Variants in PTPRK observed in about 807,000 individuals in gnomAD.
PTPRK encodes receptor-type tyrosine-protein phosphatase kappa.
PTPRK carries 75 observed loss-of-function variants against 178.0 expected under a neutral mutation model. The observed-to-expected ratio is 0.42, with a 90% CI of 0.35 to 0.51. The LOEUF is 0.51. PTPRK is among the 20% of genes least tolerant of loss of function. The pLI is 0.02. For missense variants in PTPRK, 1,441 were observed against 1,797.8 expected (o/e 0.80, Z 3.59); for synonymous variants, 637 against 620.6 (o/e 1.03, Z -0.39).
At chr6:128,336,368 G>A (rs1373237565) in intron 2 of PTPRK, among the ~76,000 whole-genome samples, 2 of 151,998 alleles carry the variant, frequency 1.3e-5, no homozygotes, top group East Asian at 1.9e-4. Context: ...GTGTACTGTA[G>A]AAACTAAAAT....
chr6:128,071,942 A>C (rs999251750), intron 11 of PTPRK, among the ~76,000 whole-genome samples: 4 of 152,194 alleles, frequency 2.6e-5, no homozygotes, highest in African/African-American at 9.6e-5. Flanking sequence ...TGAAATAAGA[A>C]ATAAGAAATC....
chr6:128,432,936 A>G (rs186549972), intron 1 of PTPRK, among the ~76,000 whole-genome samples: 157 of 152,216 alleles, frequency 1.0e-3, no homozygotes, highest in Middle Eastern at 6.8e-3. Flanking sequence ...TTTTAATATT[A>G]GTTTAAATAT....
intron 7 of PTPRK, among the ~76,000 whole-genome samples, chr6:128,152,179 G>C (rs181436655): frequency 6.6e-6 from 1 of 152,030 alleles, no homozygotes; most frequent in African/African-American, 2.4e-5. Flanking sequence ...ATTAAATGCC[G>C]TTGATTTTTC....
chr6:128,210,252 C>T (rs927322370), intron 6 of PTPRK, among the ~76,000 whole-genome samples: 1 of 151,892 alleles, frequency 6.6e-6, no homozygotes, highest in Admixed American at 6.6e-5. Flanking sequence ...TTTCTATTCA[C>T]TGCATTTCCA....
chr6:128,494,305 A>G (rs1361972523), intron 1 of PTPRK, among the ~76,000 whole-genome samples: 1 of 151,956 alleles, frequency 6.6e-6, no homozygotes, highest in African/African-American at 2.4e-5. Context: ...CACCATCACC[A>G]TTTTTTAAAG....
At chr6:128,007,506 A>C (rs1306870338) in intron 14 of PTPRK, among the ~76,000 whole-genome samples, 1 of 150,938 alleles carries the variant, frequency 6.6e-6, no homozygotes, top group Non-Finnish European at 1.5e-5. Flanking sequence ...AAGTTGTCAT[A>C]TTACACAATT....
chr6:128,079,015 A>T, intron 10 of PTPRK, 97 bp from the exon 11 acceptor site: 1 of 672,900 alleles, frequency 1.5e-6, no homozygotes, highest in Non-Finnish European at 2.5e-6. Flanking sequence ...GGAAAAAAAA[A>T]TTCACCTAAT....
chr6:128,387,800 T>C (rs1183741472), intron 2 of PTPRK, among the ~76,000 whole-genome samples: 3 of 152,102 alleles, frequency 2.0e-5, no homozygotes, highest in Non-Finnish European at 4.4e-5. Flanking sequence ...ATACTGCATA[T>C]GTAACATATG....
intron 3 of PTPRK, among the ~76,000 whole-genome samples, chr6:128,255,712 A>G (rs558588198): frequency 6.6e-6 from 1 of 152,362 alleles, no homozygotes; most frequent in African/African-American, 2.4e-5. Flanking sequence ...CCTGGCAACA[A>G]AAGCATCAAC....
intron 7 of PTPRK, among the ~76,000 whole-genome samples, chr6:128,179,935 C>A (rs907324152): frequency 6.6e-6 from 1 of 152,026 alleles, no homozygotes; most frequent in Non-Finnish European, 1.5e-5. Context: ...AGACACTCTC[C>A]TTTTCACTGC....
intron 13 of PTPRK, among the ~76,000 whole-genome samples, chr6:128,014,025 T>C (rs1412674501): frequency 6.6e-6 from 1 of 151,510 alleles, no homozygotes; most frequent in Admixed American, 6.6e-5. Flanking sequence ...GAATTTCTAG[T>C]AGGACCTAAA....
At chr6:128,057,901 C>T (rs897533643) in intron 13 of PTPRK, among the ~76,000 whole-genome samples, 1 of 152,018 alleles carries the variant, frequency 6.6e-6, no homozygotes, top group African/African-American at 2.4e-5. Flanking sequence ...GTTATTTTAC[C>T]TCTTTTTTAC....
intron 1 of PTPRK, among the ~76,000 whole-genome samples, chr6:128,482,760 A>T (rs1366997971): frequency 1.3e-5 from 2 of 152,190 alleles, no homozygotes; most frequent in Admixed American, 6.5e-5. Context: ...TACTGTTTGC[A>T]ATCAACAAGA....
At chr6:128,461,756 C>G (rs1165556317) in intron 1 of PTPRK, among the ~76,000 whole-genome samples, 1 of 152,168 alleles carries the variant, frequency 6.6e-6, no homozygotes, top group Non-Finnish European at 1.5e-5. Context: ...AGTCATTCCT[C>G]ACTTCCTCCT....
At chr6:128,053,408 G>A (rs770873764) in intron 13 of PTPRK, among the ~76,000 whole-genome samples, 2 of 151,882 alleles carry the variant, frequency 1.3e-5, no homozygotes, top group East Asian at 1.9e-4. Context: ...ACCCTCTTGC[G>A]TGGACACCCT....
intron 13 of PTPRK, among the ~76,000 whole-genome samples, chr6:128,061,108 A>AT (rs552314440): frequency 1.1e-4 from 16 of 151,580 alleles, no homozygotes; most frequent in Admixed American, 1.3e-4. Flanking sequence ...TGGCTAAATA[A>AT]TTTTTTTTTG....
intron 3 of PTPRK, among the ~76,000 whole-genome samples, chr6:128,254,235 T>G (rs191489727): frequency 7.4e-4 from 113 of 152,282 alleles, no homozygotes; most frequent in African/African-American, 2.6e-3. Flanking sequence ...TTCTGTTTTA[T>G]TTTACAAGAC....
intron 3 of PTPRK, among the ~76,000 whole-genome samples, chr6:128,250,169 C>A (rs190503517): frequency 6.4e-4 from 98 of 152,252 alleles, no homozygotes; most frequent in African/African-American, 2.3e-3. Flanking sequence ...TCTATCAAAC[C>A]TATTTTTCTT....
At chr6:128,168,694 C>G (rs1476660954) in intron 7 of PTPRK, among the ~76,000 whole-genome samples, 1 of 152,066 alleles carries the variant, frequency 6.6e-6, no homozygotes, top group African/African-American at 2.4e-5. Context: ...TCTGAGGTAG[C>G]AGCGTTGCAC....
Sources: gnomAD v4.1 joint callset for allele counts (sites outside exome capture counted in the v4.1 genomes callset) on GRCh38, gnomAD v4.1.1 for gene constraint, MANE v1.5 for transcripts, NCBI Gene and HGNC (gene_info 2026-07-23, HGNC 2026-07-21) for gene names.